Variants in MSH3 observed in about 807,000 individuals in gnomAD.
The protein encoded by MSH3 is mutS homolog 3.
Under a neutral mutation model 123.3 loss-of-function variants are expected in MSH3, and 106 were observed. The observed-to-expected ratio is 0.86, with a 90% CI of 0.73 to 1.01. MSH3 has a LOEUF of 1.01. MSH3 is among the 50% of genes least tolerant of loss of function. The pLI is 0.00. For synonymous variants in MSH3, 515 were observed against 481.4 expected (o/e 1.07, Z -0.91); for missense variants, 1,459 against 1,347.6 (o/e 1.08, Z -1.29).
At chr5:80,667,799 C>T (rs915725905) in intron 3 of MSH3, among the ~76,000 whole-genome samples, 4 of 152,206 alleles carry the variant, frequency 2.6e-5, no homozygotes, top group South Asian at 4.1e-4. Flanking sequence ...TGTCATAGAC[C>T]TGGCTTAGGA....
At chr5:80,738,640 T>C (rs1254606244) in intron 10 of MSH3, among the ~76,000 whole-genome samples, 1 of 152,160 alleles carries the variant, frequency 6.6e-6, no homozygotes, top group South Asian at 2.1e-4. Flanking sequence ...TGAAAAATTA[T>C]GTCTTACACA....
At chr5:80,776,014 C>A (rs245406) in intron 16 of MSH3, among the ~76,000 whole-genome samples, 1 of 151,922 alleles carries the variant, frequency 6.6e-6, no homozygotes, top group African/African-American at 2.4e-5. Context: ...CTCAGCCTCC[C>A]GAGTAGCTGG....
chr5:80,666,193 G>A (rs1056966351), intron 3 of MSH3, among the ~76,000 whole-genome samples: 2 of 152,190 alleles, frequency 1.3e-5, no homozygotes, highest in Non-Finnish European at 2.9e-5. Flanking sequence ...CAGATGAGGT[G>A]AGACTAAAGG....
At chr5:80,668,239 T>C (rs1468045515) in intron 3 of MSH3, among the ~76,000 whole-genome samples, 5 of 152,130 alleles carry the variant, frequency 3.3e-5, no homozygotes, top group African/African-American at 1.2e-4. Context: ...GTGTGCTGAT[T>C]GGTTCATGGG....
chr5:80,872,916 A>G (rs957346772), intron 22 of MSH3, among the ~76,000 whole-genome samples, 200 bp from the exon 23 acceptor site: 77 of 152,376 alleles, frequency 5.1e-4, no homozygotes, highest in African/African-American at 1.8e-3. Flanking sequence ...GATAGATCCT[A>G]TATGCACACA....
chr5:80,667,907 G>A (rs78441014), intron 3 of MSH3, among the ~76,000 whole-genome samples: 1 of 152,158 alleles, frequency 6.6e-6, no homozygotes, highest in Non-Finnish European at 1.5e-5. Flanking sequence ...TGGGTTTCAG[G>A]CCTGTTTGTG....
chr5:80,873,169 G>A lies in MSH3; in HGVS notation c.3184G>A (p.Gly1062Arg), dbSNP rs756886395. 9.3e-6 allele frequency: 15 copies of A among 1,613,716 alleles called. No individual in the cohort carries two copies. In the African/African-American group the frequency reaches 1.9e-4, roughly 20 times the overall value. The stretch of plus-strand genomic sequence containing the variant: ...CACCTTCCTTTACCAAATAACTAGA[G>A]GAATTGCAGCAAGGAGTTATGGATT... ...FVTFLYQITR[G>R]IAARSYGLNV... Residue 1062 changes from glycine (G) to arginine (R), a missense_variant, in exon 23 of 24, where the codon GGA becomes AGA. Coordinates refer to ENST00000265081, the MANE Select transcript of MSH3 (RefSeq NM_002439.5).
chr5:80,826,517 T>C (rs1405961117), intron 20 of MSH3, among the ~76,000 whole-genome samples: 2 of 151,302 alleles, frequency 1.3e-5, no homozygotes, highest in Non-Finnish European at 2.9e-5. Flanking sequence ...AGTAAATGGA[T>C]GAAACGCTAT....
At chr5:80,682,861 C>T (rs910420437) in intron 8 of MSH3, among the ~76,000 whole-genome samples, 24 of 152,092 alleles carry the variant, frequency 1.6e-4, no homozygotes, top group African/African-American at 5.3e-4. Flanking sequence ...TCCCCAGTTC[C>T]CTTCTCAGCC....
At chr5:80,678,871 G>T in intron 7 of MSH3, 56 bp from the exon 8 acceptor site, 2 of 1,585,308 alleles carry the variant, frequency 1.3e-6, no homozygotes, top group African/African-American at 1.3e-5. Context: ...CTGTGTTATA[G>T]CCATAACTGG....
chr5:80,778,721 A>G lies in MSH3; in HGVS notation c.2320A>G (p.Thr774Ala), dbSNP rs1287961338. 3.8e-6 allele frequency: 6 copies of G among 1,585,358 alleles called. No individual in the cohort carries two copies. The highest frequency in any genetic ancestry group is 1.7e-5 in the Admixed American group (1 of 59,984). The change falls in exon 17 of 24, where the codon ACA becomes GCA. Residue 774 changes from threonine to alanine, a missense_variant and splice_region_variant. Physicochemically the swap from Thr to Ala is moderately conservative, Grantham distance 58. Coordinates refer to ENST00000265081, the MANE Select transcript of MSH3 (RefSeq NM_002439.5). ...TTTGTGTTCTTTCCCCTCTTCTAGC[A>G]CAAAAGCTGTGAGCCGCTTTCACTC... ...IPTDWVKVGS[T>A]KAVSRFHSPF...
chr5:80,746,445 C>T, intron 12 of MSH3: 1 of 480,070 alleles, frequency 2.1e-6, no homozygotes, highest in Admixed American at 2.3e-5. Context: ...GACTTTTCTC[C>T]TTGATTGTAT....
chr5:80,679,155 T>C, intron 8 of MSH3, 62 bp downstream of exon 8: 1 of 1,512,252 alleles, frequency 6.6e-7, no homozygotes, highest in Non-Finnish European at 9.2e-7. Flanking sequence ...GTTCCAAAAC[T>C]GATACTTATT....
At chr5:80,724,379 A>ATATAT (rs1743212947) in intron 8 of MSH3, among the ~76,000 whole-genome samples, 2 of 151,854 alleles carry the variant, frequency 1.3e-5, no homozygotes, top group Admixed American at 1.3e-4. Flanking sequence ...TAATGTAGTA[A>ATATAT]TATATAATGA....
intron 20 of MSH3, among the ~76,000 whole-genome samples, chr5:80,847,182 C>T (rs903220778): frequency 2.0e-5 from 3 of 152,058 alleles, no homozygotes; most frequent in Admixed American, 6.6e-5. Context: ...GCCTTAGCCT[C>T]CTGAGTAGCT....
At chr5:80,714,397 A>G (rs1303897339) in intron 8 of MSH3, among the ~76,000 whole-genome samples, 2 of 152,058 alleles carry the variant, frequency 1.3e-5, no homozygotes, top group African/African-American at 4.8e-5. Flanking sequence ...GAGCCTCCCA[A>G]AGTGCTGAGA....
intron 19 of MSH3, among the ~76,000 whole-genome samples, chr5:80,804,800 A>G (rs1744859668): frequency 1.3e-5 from 2 of 152,208 alleles, no homozygotes; most frequent in Non-Finnish European, 2.9e-5. Flanking sequence ...TGTTCACTCA[A>G]GGTCCTAGGG....
intron 22 of MSH3, among the ~76,000 whole-genome samples, chr5:80,866,331 C>A (rs1164657634): frequency 2.6e-5 from 4 of 152,080 alleles, no homozygotes; most frequent in African/African-American, 7.2e-5. Context: ...TAGAGACAGG[C>A]TCTCACTATG....
intron 8 of MSH3, among the ~76,000 whole-genome samples, chr5:80,691,022 TTAA>T (rs1750232522): frequency 6.6e-6 from 1 of 151,950 alleles, no homozygotes; most frequent in Non-Finnish European, 1.5e-5. Context: ...ATTAATATGA[TTAA>T]TAAATGTTAT....
Sources: allele counts gnomAD v4.1 joint callset (sites outside exome capture counted in the v4.1 genomes callset), GRCh38; gene constraint gnomAD v4.1.1; transcripts MANE v1.5; gene names NCBI Gene and HGNC (gene_info 2026-07-23, HGNC 2026-07-21).